MCF2L: variants seen among roughly 807,000 people sequenced by gnomAD.
The protein encoded by MCF2L is guanine nucleotide exchange factor DBS.
A neutral mutation model predicts 153.4 loss-of-function variants in MCF2L; 97 were observed. The observed-to-expected ratio is 0.63, with a 90% CI of 0.54 to 0.75. The LOEUF (loss-of-function observed/expected upper bound fraction) is 0.75, where lower values mean the gene tolerates loss of function less well. Ranked by LOEUF, MCF2L falls within the 30% of genes least tolerant of loss-of-function variation. The pLI is 0.00. For missense variants in MCF2L, 1,347 were observed against 1,495.2 expected (o/e 0.90, Z 1.64); for synonymous variants, 659 against 632.2 (o/e 1.04, Z -0.64).
chr13:113,056,056 G>A (rs1342164689), intron 4 of MCF2L, among the ~76,000 whole-genome samples: 1 of 152,214 alleles, frequency 6.6e-6, no homozygotes. Flanking sequence ...CCCTCCCCAC[G>A]CAATGCAGAT....
intron 2 of MCF2L, among the ~76,000 whole-genome samples, chr13:113,020,413 G>A (rs2084801485): frequency 1.3e-5 from 2 of 152,236 alleles, no homozygotes; most frequent in Non-Finnish European, 2.9e-5. Context: ...GCGTGTGCGT[G>A]TGTGTATCTA....
intron 26 of MCF2L, chr13:113,090,983 C>G (rs1451755318): frequency 8.1e-7 from 1 of 1,231,120 alleles, no homozygotes; most frequent in Admixed American, 2.8e-5. Flanking sequence ...CTCACAGAAG[C>G]TCCTTTTTCA....
intron 2 of MCF2L, among the ~76,000 whole-genome samples, chr13:112,906,988 G>A (rs182507807): frequency 6.6e-5 from 10 of 152,224 alleles, no homozygotes; most frequent in Non-Finnish European, 1.3e-4. Context: ...GGCTTAGGGT[G>A]AAGAAGAGCA....
At chr13:113,096,252 C>G in intron 27 of MCF2L, 119 bp from the exon 28 acceptor site, 1 of 751,284 alleles carries the variant, frequency 1.3e-6, no homozygotes, top group East Asian at 2.7e-5. Context: ...CGGAGCTGGT[C>G]GTGGCCAGGA....
rs565468661 is a variant in MCF2L, at chr13:112,902,122, G to A, written c.-4-77G>A. The A allele has an allele frequency of 1.8e-5, 21 of 1,166,292 alleles. No homozygotes were observed. The Admixed American group carries it at 2.0e-4, about 11-fold the overall frequency. 72.2% of individuals were successfully genotyped at this position (1,166,292 alleles called of 1,614,324 possible). On this transcript the variant is annotated intron_variant, in intron 1 of 29. Coordinates refer to the MCF2L transcript ENST00000375608. ...CACGAAGGTTGTAACTAGTTATTTC[G>A]GTTTTGTTCAGAGCAACAGTTCTTA...
intron 17 of MCF2L, 151 bp downstream of exon 17, chr13:113,082,693 G>A (rs755090042): frequency 3.2e-6 from 2 of 632,070 alleles, no homozygotes; most frequent in South Asian, 1.8e-5. Context: ...ACAGGCTTGA[G>A]TGTGGGTACA....
chr13:112,896,862 G>A (rs570488792), intron 1 of MCF2L, among the ~76,000 whole-genome samples: 258 of 152,352 alleles, frequency 1.7e-3, no homozygotes, highest in Admixed American at 5.3e-3. Context: ...CCGCCTCACA[G>A]ATGGAACAGG....
intron 4 of MCF2L, among the ~76,000 whole-genome samples, chr13:113,047,830 G>A (rs536821887): frequency 1.7e-4 from 26 of 151,902 alleles, no homozygotes; most frequent in Admixed American, 2.6e-4. Flanking sequence ...ACCTCGCTAC[G>A]CGTGCCCTGT....
chr13:113,081,217 G>T lies in MCF2L; in HGVS notation c.1813G>T (p.Val605Leu). ...EESLAILRRH[V>L]MSELLDTERA... The stretch of plus-strand genomic sequence containing the variant: ...CTCCACATGACCTGCCACCAGGCAC[G>T]TGATGAGCGAGCTCCTGGACACAGA... Residue 605 changes from valine to leucine, a missense_variant, in exon 16 of 30, where the codon GTG becomes TTG. Val to Leu is a conservative substitution (Grantham distance 32). Around this residue, in one of 3 missense-constraint regions of MCF2L, gnomAD observed 820 missense variants for 921.2 expected, o/e 0.89. Transcript: ENST00000535094. 1 of 1,584,792 alleles carries T rather than the reference G, an allele frequency of 6.3e-7. No homozygotes were observed. The highest frequency in any genetic ancestry group is 8.6e-7 in the Non-Finnish European group (1 of 1,166,078).
chr13:113,051,841 CT>C (rs1363267355), intron 4 of MCF2L, among the ~76,000 whole-genome samples: 1 of 152,072 alleles, frequency 6.6e-6, no homozygotes, highest in Non-Finnish European at 1.5e-5. Flanking sequence ...GCCCCCGCTG[CT>C]TACAAAGCCA....
In MCF2L at chr13:112,960,697, C is replaced by T. The variant is rs920324176; in HGVS notation, c.170-54066C>T. Among the ~76,000 whole-genome samples, 1 of 152,280 alleles carries T rather than the reference C, an allele frequency of 6.6e-6. No individual in the cohort carries two copies. Among genetic ancestry groups the T allele is most frequent in the African/African-American group, 2.4e-5 (1 of 41,556 alleles). On this transcript the variant is annotated intron_variant, in intron 2 of 29. Transcript: ENST00000375608. The surrounding 1 kb of genome is among the most constrained non-coding windows in gnomAD (Gnocchi z 4.2). Reference sequence around the variant, plus strand: ...TTCTAACACCAAGGTGTGAGCAGGGCTAGTCCCTTCTGGAGGCTCCAGGAA... The same window carrying T: ...TTCTAACACCAAGGTGTGAGCAGGGTTAGTCCCTTCTGGAGGCTCCAGGAA...
rs576508406 is a variant in MCF2L at position 113,059,023 on chromosome 13, G to GCCA, written c.370-1570_370-1569insCCA. The stretch of plus-strand genomic sequence containing the variant: ...TTTGGGTGCTGAGTGGGTGCTGAGT[G>GCCA]TTTGGGTGCTGAGGACAGACTTGTC... On this transcript the variant is annotated intron_variant, in intron 4 of 29. Coordinates refer to ENST00000535094, the MANE Select transcript of MCF2L (RefSeq NM_001112732.3). Among the ~76,000 whole-genome samples, 1,449 of 152,070 alleles carry GCCA rather than the reference G, an allele frequency of 9.5e-3. 11 individuals carry two copies. The highest frequency in any genetic ancestry group is 0.015 in the Admixed American group (236 of 15,280).
intron 2 of MCF2L, among the ~76,000 whole-genome samples, chr13:113,020,376 C>T (rs2084799380): frequency 6.6e-6 from 1 of 152,238 alleles, no homozygotes; most frequent in African/African-American, 2.4e-5. Context: ...CCCGGCTTGG[C>T]CGTCACACAT....
At chr13:113,033,524 C>T (rs2085930676) in intron 3 of MCF2L, among the ~76,000 whole-genome samples, 1 of 152,168 alleles carries the variant, frequency 6.6e-6, no homozygotes, top group African/African-American at 2.4e-5. Flanking sequence ...GTGGTCCCCA[C>T]TGTTTCCCTG....
intron 3 of MCF2L, among the ~76,000 whole-genome samples, chr13:113,026,118 A>T (rs1230886407): frequency 2.2e-5 from 2 of 90,274 alleles, no homozygotes; most frequent in Non-Finnish European, 4.7e-5. Flanking sequence ...AGGTTTCATC[A>T]TGGTGGGGTC....
At chr13:113,061,814 C>CT (rs1268593989) in intron 5 of MCF2L, among the ~76,000 whole-genome samples, 1 of 45,210 alleles carries the variant, frequency 2.2e-5, no homozygotes, top group Non-Finnish European at 4.6e-5. Context: ...CCCTCTCCCC[C>CT]TTCCCCTCTT....
At chr13:112,990,501 T>C (rs1203619965) in intron 1 of MCF2L, among the ~76,000 whole-genome samples, 2 of 152,218 alleles carry the variant, frequency 1.3e-5, no homozygotes, top group Admixed American at 1.3e-4. Flanking sequence ...GAGCAGTGGC[T>C]GGCAGAGACC....
chr13:112,938,372 CT>C (rs1180586447), intron 2 of MCF2L, among the ~76,000 whole-genome samples: 1 of 151,930 alleles, frequency 6.6e-6, no homozygotes, highest in Non-Finnish European at 1.5e-5. Context: ...CAGAAGTTGA[CT>C]GGAGGTGCGA....
chr13:112,975,794 C>T (rs1171039617), intron 1 of MCF2L, among the ~76,000 whole-genome samples: 2 of 152,196 alleles, frequency 1.3e-5, no homozygotes, highest in African/African-American at 2.4e-5. Context: ...TGTGGTTGAC[C>T]TCGTTGCGGT....
Sources: allele counts gnomAD v4.1 joint callset (sites outside exome capture counted in the v4.1 genomes callset), GRCh38; gene constraint gnomAD v4.1.1; regional missense constraint gnomAD v4.1.1; non-coding constraint Gnocchi (gnomAD v3.1); transcripts MANE v1.5; gene names NCBI Gene and HGNC (gene_info 2026-07-23, HGNC 2026-07-21).